PARVB: variants seen among roughly 807,000 people sequenced by gnomAD.
The protein encoded by PARVB is beta-parvin.
PARVB carries 46 observed loss-of-function variants against 47.0 expected under a neutral mutation model. That is an observed-to-expected ratio of 0.98 (90% CI 0.77 to 1.25). The LOEUF (loss-of-function observed/expected upper bound fraction) is 1.25, where lower values mean the gene tolerates loss of function less well. Among genes scored for constraint, PARVB ranks in the 50% most tolerant of loss-of-function variants. The pLI, the probability that PARVB is intolerant of heterozygous loss-of-function variation, is 0.00. For synonymous variants in PARVB, 196 were observed against 196.3 expected (o/e 1.00, Z 0.01); for missense variants, 473 against 471.6 (o/e 1.00, Z -0.03).
intron 4 of PARVB, 118 bp downstream of exon 4, chr22:44,119,258 C>A: frequency 1.4e-6 from 1 of 738,688 alleles, no homozygotes; most frequent in South Asian, 1.5e-5. Context: ...ACACTCAAAG[C>A]TGCAGTGTGC....
At chr22:44,159,872 G>A (rs759772245) in intron 11 of PARVB, among the ~76,000 whole-genome samples, 19 of 152,192 alleles carry the variant, frequency 1.2e-4, no homozygotes, top group Non-Finnish European at 2.5e-4. Context: ...CTGAGACCCC[G>A]AGGTGCGTTT....
intron 1 of PARVB, among the ~76,000 whole-genome samples, chr22:44,042,558 C>CG (rs1369248370): frequency 6.6e-6 from 1 of 152,216 alleles, no homozygotes; most frequent in Non-Finnish European, 1.5e-5. Flanking sequence ...TGTCTTCACA[C>CG]GTCCTGCACT....
At chr22:44,091,274 C>CTTTT (rs3083368) in intron 1 of PARVB, among the ~76,000 whole-genome samples, 5,095 of 90,400 alleles carry the variant, frequency 0.056, 162 homozygotes, top group Admixed American at 0.11. Flanking sequence ...AGAGGGCCTG[C>CTTTT]TTTTTTTTTT....
intron 2 of PARVB, among the ~76,000 whole-genome samples, chr22:44,095,354 C>T (rs542629291): frequency 6.6e-6 from 1 of 152,106 alleles, no homozygotes; most frequent in East Asian, 1.9e-4. Flanking sequence ...CCTAAGAATA[C>T]AAAAATTAGC....
chr22:44,118,706 C>G lies in PARVB; in HGVS notation c.274-332C>G, dbSNP rs560161580. Among the ~76,000 whole-genome samples, 11 of 152,230 alleles carry G rather than the reference C, an allele frequency of 7.2e-5. No individual in the cohort carries two copies. The East Asian group carries it at 2.1e-3, about 29-fold the overall frequency. On this transcript the variant is annotated intron_variant, in intron 3 of 12. Transcript: ENST00000338758. ...CTCTGTCCCTGTGCTAGCTCTGGACCTGGTGGTGGCCGCAGAGCTGTGTAG... is the reference window on the plus strand; with the variant it reads ...CTCTGTCCCTGTGCTAGCTCTGGACGTGGTGGTGGCCGCAGAGCTGTGTAG...
chr22:44,131,896 G>A (rs1947666881), intron 5 of PARVB, among the ~76,000 whole-genome samples: 2 of 152,130 alleles, frequency 1.3e-5, no homozygotes, highest in South Asian at 2.1e-4. Flanking sequence ...TTTATGGATG[G>A]GTGGATCAGA....
intron 1 of PARVB, among the ~76,000 whole-genome samples, chr22:44,057,415 A>G (rs2051335678): frequency 6.6e-6 from 1 of 152,174 alleles, no homozygotes; most frequent in Admixed American, 6.5e-5. Flanking sequence ...AAAAAATCCA[A>G]AAGTGGGGGA....
At chr22:44,161,257 C>T (rs886405354) in intron 11 of PARVB, among the ~76,000 whole-genome samples, 6 of 150,110 alleles carry the variant, frequency 4.0e-5, no homozygotes, top group Non-Finnish European at 8.8e-5. Flanking sequence ...ACAGATTCTA[C>T]GTTTCAGTCC....
upstream of PARVB, among the ~76,000 whole-genome samples, chr22:44,024,060 G>A (rs2050686797): frequency 2.0e-5 from 3 of 152,274 alleles, no homozygotes; most frequent in Middle Eastern, 3.4e-3. Context: ...TAGCGGAGCC[G>A]AGCAGAGCCC....
Position 44,155,035 on chromosome 22 carries a change from G to GGT in PARVB, c.844-2925_844-2924dup, listed in dbSNP as rs143992052. 1.4e-3 allele frequency among the ~76,000 whole-genome samples: 168 copies of GGT among 116,330 alleles called. 1 individual carries two copies. Among genetic ancestry groups the GGT allele is most frequent in the Admixed American group, 4.5e-3 (48 of 10,712 alleles). The allele number at this position is 116,330 out of a possible 152,430, so 76.3% of individuals were successfully genotyped here. ...TGTGTGTGGTTTTTGTAGTCTGTGT[G>GGT]GTGTGTGTGTGTGTGTGTGTGTGGT... On this transcript the variant is annotated intron_variant, in intron 10 of 12. Coordinates refer to ENST00000338758, the MANE Select transcript of PARVB (RefSeq NM_013327.5). The surrounding 1 kb of genome is among the most constrained non-coding windows in gnomAD (Gnocchi z 4.8).
chr22:44,063,746 G>T (rs1438028797), intron 1 of PARVB, among the ~76,000 whole-genome samples: 1 of 152,100 alleles, frequency 6.6e-6, no homozygotes, highest in Non-Finnish European at 1.5e-5. Context: ...CTCACAGAGG[G>T]CATGGTCTGT....
At chr22:44,048,890 A>G (rs887227894) in intron 1 of PARVB, among the ~76,000 whole-genome samples, 1 of 152,130 alleles carries the variant, frequency 6.6e-6, no homozygotes, top group Non-Finnish European at 1.5e-5. Flanking sequence ...GGATTTCATC[A>G]TGTTGGCCAG....
intron 2 of PARVB, among the ~76,000 whole-genome samples, chr22:44,097,612 GCAGAGC>G (rs2052339834): frequency 1.3e-5 from 2 of 152,170 alleles, no homozygotes. Context: ...CCTGGTCTGT[GCAGAGC>G]CTCTGATTCT....
At position 44,139,822 on chromosome 22, in the gene PARVB, C is replaced by T. The variant is rs143937453; in HGVS notation, c.693-302C>T. 240 of 404,646 alleles carry T rather than the reference C, an allele frequency of 5.9e-4. 1 individual carries two copies. The East Asian group carries it at 9.6e-3, about 16-fold the overall frequency. 25.1% of individuals were successfully genotyped at this position (404,646 alleles called of 1,614,324 possible). ...TGCTGAAATCTTCATATTAACCACT[C>T]TTCTGATTTAAGTACCTCCCCTCCA... is the stretch of plus-strand genomic sequence containing the variant. On this transcript the variant is annotated intron_variant, in intron 7 of 12. Coordinates refer to ENST00000338758, the MANE Select transcript of PARVB (RefSeq NM_013327.5).
intron 10 of PARVB, among the ~76,000 whole-genome samples, chr22:44,154,289 A>G (rs1277500031): frequency 6.6e-6 from 1 of 152,252 alleles, no homozygotes; most frequent in Non-Finnish European, 1.5e-5. Flanking sequence ...CGCTGGTTAC[A>G]GAAATGCAGG....
chr22:44,039,550 GA>G (rs923488864), intron 1 of PARVB, among the ~76,000 whole-genome samples: 15 of 149,214 alleles, frequency 1.0e-4, no homozygotes, highest in African/African-American at 2.2e-4. Flanking sequence ...CAAAAAGAAA[GA>G]AAAAAAAAAA....
At chr22:44,083,846 G>C (rs534985240) in intron 1 of PARVB, among the ~76,000 whole-genome samples, 1 of 152,280 alleles carries the variant, frequency 6.6e-6, no homozygotes, top group South Asian at 2.1e-4. Flanking sequence ...CGCCAGCTTT[G>C]TGTATTGGAA....
intron 1 of PARVB, among the ~76,000 whole-genome samples, chr22:44,071,230 ACTC>A (rs1298234804): frequency 6.6e-6 from 1 of 151,026 alleles, no homozygotes; most frequent in Non-Finnish European, 1.5e-5. Context: ...TAACTTCACG[ACTC>A]CTCCACCTCC....
intron 2 of PARVB, among the ~76,000 whole-genome samples, chr22:44,001,826 A>G (rs975572447): frequency 3.3e-5 from 5 of 152,240 alleles, no homozygotes; most frequent in African/African-American, 1.2e-4. Context: ...ACAATGTTCC[A>G]TGAACACAGC....
Sources: allele counts gnomAD v4.1 joint callset (sites outside exome capture counted in the v4.1 genomes callset), GRCh38; gene constraint gnomAD v4.1.1; non-coding constraint Gnocchi (gnomAD v3.1); transcripts MANE v1.5; gene names NCBI Gene and HGNC (gene_info 2026-07-23, HGNC 2026-07-21).